Variants in SLC35F1 observed in about 807,000 individuals in gnomAD.
The protein encoded by SLC35F1 is chromosome 6 open reading frame 169.
Under a neutral mutation model 48.7 loss-of-function variants are expected in SLC35F1, and 14 were observed. The observed-to-expected ratio is 0.29, with a 90% CI of 0.19 to 0.45. The LOEUF is 0.45. Ranked by LOEUF, SLC35F1 falls within the 20% of genes least tolerant of loss-of-function variation. The probability of loss-of-function intolerance (pLI) is 1.00; values close to 1 mark genes in which losing one functional copy is unlikely to be tolerated. For synonymous variants in SLC35F1, 190 were observed against 202.2 expected (o/e 0.94, Z 0.51); for missense variants, 404 against 500.0 (o/e 0.81, Z 1.83).
At chr6:118,084,333 A>G (rs1468213563) in intron 1 of SLC35F1, among the ~76,000 whole-genome samples, 1 of 152,136 alleles carries the variant, frequency 6.6e-6, no homozygotes, top group African/African-American at 2.4e-5. Flanking sequence ...ATTGTCTTTC[A>G]TATCAAATTG....
intron 3 of SLC35F1, among the ~76,000 whole-genome samples, chr6:118,238,317 C>T (rs1343753511): frequency 1.3e-5 from 2 of 151,994 alleles, no homozygotes; most frequent in African/African-American, 4.8e-5. Flanking sequence ...TACAGTTGTG[C>T]ACCTCTGTAG....
chr6:118,206,393 C>A (rs1260742949), intron 2 of SLC35F1, among the ~76,000 whole-genome samples: 1 of 152,140 alleles, frequency 6.6e-6, no homozygotes, highest in Non-Finnish European at 1.5e-5. Context: ...CCTTCCCTAA[C>A]CTTACTTCTT....
In SLC35F1 at chr6:118,267,169, G is replaced by T. The variant is rs753929852; in HGVS notation, c.637+15G>T. The T allele has an allele frequency of 6.2e-7, 1 of 1,613,476 alleles. No homozygotes were observed. Among genetic ancestry groups the T allele is most frequent in the Non-Finnish European group, 8.5e-7 (1 of 1,179,534 alleles). On this transcript the variant is annotated intron_variant, in intron 4 of 7. Transcript: ENST00000360388. ...TCAGGGAGCAGGTGAGTCTTCGGAT[G>T]TTCACCAGGTTCCTTACCTCTGCGG...
chr6:118,105,077 C>G (rs1385360954), intron 1 of SLC35F1, among the ~76,000 whole-genome samples: 1 of 152,180 alleles, frequency 6.6e-6, no homozygotes, highest in Non-Finnish European at 1.5e-5. Flanking sequence ...CTGAGTGTTA[C>G]CTTGCATCTG....
intron 2 of SLC35F1, among the ~76,000 whole-genome samples, chr6:118,165,484 T>C (rs886421822): frequency 6.6e-6 from 1 of 152,194 alleles, no homozygotes; most frequent in Non-Finnish European, 1.5e-5. Flanking sequence ...TATTCTTTGC[T>C]CAAGAAAAGG....
Position 117,907,826 on chromosome 6 carries a change from A to AGCG in SLC35F1, c.111_113dup (p.Gly38dup), listed in dbSNP as rs761998735. On this transcript the variant is annotated inframe_insertion, in exon 1 of 8. Transcript: ENST00000360388. ...CATCGAGAACCTGCCGGCCGAGGGC[A>AGCG]GCGGCGGCGGCGGGAGCCTGTCCGC... The AGCG allele has an allele frequency of 1.9e-6, 3 of 1,538,688 alleles. No individual in the cohort carries two copies. The highest frequency in any genetic ancestry group is 1.9e-5 in the Admixed American group (1 of 52,814).
intron 1 of SLC35F1, among the ~76,000 whole-genome samples, chr6:117,927,146 A>G (rs1776039619): frequency 6.6e-6 from 1 of 152,200 alleles, no homozygotes; most frequent in Non-Finnish European, 1.5e-5. Flanking sequence ...TAAAGATGGT[A>G]ATATATTTAT....
chr6:118,300,235 T>A lies in SLC35F1; in HGVS notation c.1003-13793T>A, dbSNP rs149982366. Among the ~76,000 whole-genome samples, 10 of 152,262 alleles carry A rather than the reference T, an allele frequency of 6.6e-5. No individual in the cohort carries two copies. The East Asian group carries it at 1.9e-3, about 29-fold the overall frequency. On this transcript the variant is annotated intron_variant, in intron 7 of 7. Transcript: ENST00000360388. Reference sequence around the variant, plus strand: ...AACTATTTAGATAGCATCTGTATTGTAGTGGGTATATCGTAGTGGGTATTA... The same window carrying A: ...AACTATTTAGATAGCATCTGTATTGAAGTGGGTATATCGTAGTGGGTATTA...
intron 1 of SLC35F1, among the ~76,000 whole-genome samples, chr6:117,954,080 A>G (rs940339285): frequency 6.6e-6 from 1 of 152,186 alleles, no homozygotes. Flanking sequence ...AGAAAAGGAA[A>G]GCAGTCATAT....
At chr6:118,066,004 T>C (rs1039267866) in intron 1 of SLC35F1, among the ~76,000 whole-genome samples, 3 of 152,184 alleles carry the variant, frequency 2.0e-5, no homozygotes, top group Non-Finnish European at 4.4e-5. Flanking sequence ...ACATATGAAT[T>C]AGATTCAGTT....
intron 2 of SLC35F1, among the ~76,000 whole-genome samples, chr6:118,171,471 G>A (rs971896918): frequency 6.6e-6 from 1 of 152,128 alleles, no homozygotes; most frequent in Non-Finnish European, 1.5e-5. Flanking sequence ...TTGTATACAT[G>A]TGAGTGTATC....
At chr6:118,213,730 T>C (rs1281234644) in intron 2 of SLC35F1, among the ~76,000 whole-genome samples, 1 of 152,126 alleles carries the variant, frequency 6.6e-6, no homozygotes, top group Non-Finnish European at 1.5e-5. Flanking sequence ...TCAACTAGAG[T>C]ATGATACCAG....
chr6:118,267,200 G>A, intron 4 of SLC35F1, 46 bp downstream of exon 4: 1 of 1,604,932 alleles, frequency 6.2e-7, no homozygotes, highest in East Asian at 2.2e-5. Context: ...TGCGGGTGAG[G>A]CCAAGGCAAG....
intron 2 of SLC35F1, among the ~76,000 whole-genome samples, chr6:118,200,750 C>T (rs1292120347): frequency 3.9e-5 from 6 of 152,008 alleles, no homozygotes; most frequent in East Asian, 3.9e-4. Flanking sequence ...CGTAACAGTG[C>T]GATTATGGGT....
At position 117,928,896 on chromosome 6, in the gene SLC35F1, A is replaced by G. The variant is rs536718822; in HGVS notation, c.173+20997A>G. ...CTGGCCCAGTTGTCCCATAGAATTG[A>G]TATTTATAGTTTCTATTGAATAAAC... On this transcript the variant is annotated intron_variant, in intron 1 of 7. Coordinates refer to ENST00000360388, the MANE Select transcript of SLC35F1 (RefSeq NM_001029858.4). Among the ~76,000 whole-genome samples the G allele has an allele frequency of 1.4e-4, 21 of 152,244 alleles. No homozygotes were observed. The South Asian group carries it at 1.4e-3, about 11-fold the overall frequency.
rs141827406 is a variant in SLC35F1, at chr6:118,163,742, C to T, written c.349+9122C>T. Among the ~76,000 whole-genome samples the T allele has an allele frequency of 6.1e-3, 934 of 152,278 alleles. 4 individuals carry two copies. Among genetic ancestry groups the T allele is most frequent in the Middle Eastern group, 0.014 (4 of 294 alleles). On this transcript the variant is annotated intron_variant, in intron 2 of 7. Transcript: ENST00000360388. ...TGTATTGCCTGAAGGAGATAAGTCC[C>T]CTTCTGCCAAAATAGTGCTTTGTAT...
chr6:118,303,739 A>G (rs999952138), intron 7 of SLC35F1, among the ~76,000 whole-genome samples: 1 of 152,212 alleles, frequency 6.6e-6, no homozygotes, highest in Non-Finnish European at 1.5e-5. Flanking sequence ...TTTCCTGAAT[A>G]TTGTTTTCTT....
At chr6:118,144,612 TA>T (rs34395503) in intron 1 of SLC35F1, among the ~76,000 whole-genome samples, 54,934 of 143,234 alleles carry the variant, frequency 0.38, 11,071 homozygotes, top group Middle Eastern at 0.52. Flanking sequence ...TTGAAAATGT[TA>T]AAAAAAAAAA....
chr6:118,171,814 A>T (rs1339207453), intron 2 of SLC35F1, among the ~76,000 whole-genome samples: 4 of 152,184 alleles, frequency 2.6e-5, no homozygotes, highest in African/African-American at 9.6e-5. Flanking sequence ...TTGGTGTAAG[A>T]GTGTGTCCCA....
Sources: gnomAD v4.1 joint callset for allele counts (sites outside exome capture counted in the v4.1 genomes callset) on GRCh38, gnomAD v4.1.1 for gene constraint, MANE v1.5 for transcripts, NCBI Gene and HGNC (gene_info 2026-07-23, HGNC 2026-07-21) for gene names.